The following OTUD7A variants were observed in gnomAD, a reference collection of about 807,000 sequenced individuals.
OTUD7A encodes the protein OTU domain-containing protein 7A.
In OTUD7A, 12 loss-of-function variants were observed where a neutral mutation model predicts 65.7. The ratio of observed to expected loss-of-function variants is 0.18; its 90% CI spans 0.12 to 0.30. OTUD7A has a LOEUF of 0.30. Ranked by LOEUF, OTUD7A falls within the 10% of genes least tolerant of loss-of-function variation. The pLI, the probability that OTUD7A is intolerant of heterozygous loss-of-function variation, is 1.00. For missense variants in OTUD7A, 1,148 were observed against 1,304.8 expected, an observed-to-expected ratio of 0.88 and a Z score of 1.85; for synonymous variants, 641 against 586.3, an observed-to-expected ratio of 1.09 and a Z score of -1.35.
At chr15:31,732,139 C>T (rs1480140565) in intron 1 of OTUD7A, among the ~76,000 whole-genome samples, 1 of 152,192 alleles carries the variant, frequency 6.6e-6, no homozygotes, top group Non-Finnish European at 1.5e-5. Context: ...CTCTCCTACA[C>T]TTCATGGCCT....
intron 3 of OTUD7A, among the ~76,000 whole-genome samples, chr15:31,616,733 G>A (rs1190756425): frequency 2.0e-5 from 3 of 152,040 alleles, no homozygotes; most frequent in Non-Finnish European, 2.9e-5. Context: ...CAGTAGAGAC[G>A]GGGTTTCACC....
At position 31,633,902 on chromosome 15, in the gene OTUD7A, C is replaced by T. The variant is rs149355760; in HGVS notation, c.151+21194G>A. On this transcript the variant is annotated intron_variant, in intron 3 of 12. Coordinates refer to ENST00000307050, the MANE Select transcript of OTUD7A (RefSeq NM_001382637.1). ...TGCTGCCCTCTTCTCTCCGGACCTG[C>T]GAGGAACTCACTGCTTCTGGTATTT... Among the ~76,000 whole-genome samples the T allele has an allele frequency of 4.6e-5, 7 of 152,300 alleles. No homozygotes were observed. In the East Asian group the frequency reaches 7.7e-4, roughly 17 times the overall value.
At chr15:31,792,672 C>T (rs908252754) in intron 1 of OTUD7A, among the ~76,000 whole-genome samples, 6 of 152,204 alleles carry the variant, frequency 3.9e-5, no homozygotes, top group African/African-American at 1.4e-4. Flanking sequence ...GTTTCATTCT[C>T]TGCACAATAG....
At chr15:31,754,612 G>A (rs959761739) in intron 1 of OTUD7A, among the ~76,000 whole-genome samples, 9 of 152,208 alleles carry the variant, frequency 5.9e-5, no homozygotes, top group African/African-American at 2.2e-4. Flanking sequence ...TGTTGAAAAG[G>A]GTGTACTTTC....
chr15:31,484,177 C>T lies in OTUD7A; in HGVS notation c.1919G>A (p.Arg640His). ...NILRAAMQGERKFIFAGLLLT... is the reference protein window; with the variant it reads ...NILRAAMQGEHKFIFAGLLLT... ...CAGCAGGCCGGCGAAGATGAACTTG[C>T]GCTCCCCCTGCATGGCGGCGCGCAG... The change falls in exon 13 of 13, where the codon CGC becomes CAC. Residue 640 changes from arginine (R) to histidine (H), a missense_variant. By Grantham distance (29) the Arg-to-His change is conservative. Coordinates refer to ENST00000307050, the MANE Select transcript of OTUD7A (RefSeq NM_001382637.1). This position sits in a 1 kb window ranked among gnomAD's most constrained non-coding sequence, Gnocchi z 4.5. 6.2e-7 allele frequency: 1 copy of T among 1,610,078 alleles called. No individual in the cohort carries two copies. The highest frequency in any genetic ancestry group is 8.5e-7 in the Non-Finnish European group (1 of 1,179,358).
At chr15:31,832,444 A>T (rs899760657) in intron 1 of OTUD7A, among the ~76,000 whole-genome samples, 116 of 152,344 alleles carry the variant, frequency 7.6e-4, no homozygotes, top group African/African-American at 2.7e-3. Context: ...TTTAAAAAAA[A>T]ATAGTGGTAT....
rs145454751 is a variant in OTUD7A, at chr15:31,544,777, C to T, written c.551-13969G>A. On this transcript the variant is annotated intron_variant, in intron 5 of 12. Coordinates refer to ENST00000307050, the MANE Select transcript of OTUD7A (RefSeq NM_001382637.1). The stretch of plus-strand genomic sequence containing the variant: ...TAGTGAAGAATAGAAAAGATCTGAG[C>T]GACAAAATTAACAAACTTGATATAA... Among the ~76,000 whole-genome samples the T allele has an allele frequency of 1.6e-3, 236 of 151,640 alleles. 1 individual carries two copies. The highest frequency in any genetic ancestry group is 5.0e-3 in the South Asian group (24 of 4,794).
intron 1 of OTUD7A, among the ~76,000 whole-genome samples, chr15:31,797,014 G>A (rs952606571): frequency 3.3e-5 from 5 of 152,184 alleles, no homozygotes; most frequent in Admixed American, 6.5e-5. Context: ...GATTACAGGC[G>A]TGAGCCACGG....
At chr15:31,869,478 A>T (rs548364254) in intron 1 of OTUD7A, among the ~76,000 whole-genome samples, 1 of 152,302 alleles carries the variant, frequency 6.6e-6, no homozygotes, top group Non-Finnish European at 1.5e-5. Context: ...TCATATTTTT[A>T]AAAATTGTTC....
At chr15:31,712,159 C>G (rs1013313824) in intron 1 of OTUD7A, among the ~76,000 whole-genome samples, 2 of 151,740 alleles carry the variant, frequency 1.3e-5, no homozygotes, top group Non-Finnish European at 2.9e-5. Context: ...AATCAAAATG[C>G]AACTTATTTA....
intron 1 of OTUD7A, among the ~76,000 whole-genome samples, chr15:31,788,050 T>C (rs1428407286): frequency 6.6e-6 from 1 of 152,230 alleles, no homozygotes; most frequent in Non-Finnish European, 1.5e-5. Context: ...AGACCCCACA[T>C]GGCACTCAAT....
At chr15:31,812,117 T>C (rs1389057468) in intron 1 of OTUD7A, among the ~76,000 whole-genome samples, 1 of 152,184 alleles carries the variant, frequency 6.6e-6, no homozygotes, top group Admixed American at 6.5e-5. Context: ...AAGTGGGCTC[T>C]GCAAGTGGAC....
intron 1 of OTUD7A, among the ~76,000 whole-genome samples, chr15:31,742,780 T>C (rs1894377913): frequency 6.6e-6 from 1 of 152,066 alleles, no homozygotes; most frequent in Admixed American, 6.5e-5. Flanking sequence ...GGGTTAAAAA[T>C]ATATATGACA....
chr15:31,575,815 A>G (rs1050633969), intron 3 of OTUD7A, among the ~76,000 whole-genome samples: 31 of 152,230 alleles, frequency 2.0e-4, no homozygotes, highest in African/African-American at 6.3e-4. Flanking sequence ...ATGTGCCCAC[A>G]AGCGGGAGGC....
At chr15:31,583,370 C>A (rs1007744359) in intron 3 of OTUD7A, among the ~76,000 whole-genome samples, 1 of 152,118 alleles carries the variant, frequency 6.6e-6, no homozygotes, top group Non-Finnish European at 1.5e-5. Context: ...CTGTGAAGCA[C>A]CTGCTTTGTA....
At chr15:31,790,710 G>T (rs981212071) in intron 1 of OTUD7A, among the ~76,000 whole-genome samples, 2 of 152,150 alleles carry the variant, frequency 1.3e-5, no homozygotes, top group African/African-American at 4.8e-5. Context: ...CTCAGAAAAT[G>T]CAGCCATCTC....
chr15:31,704,466 C>A (rs1187392108), intron 1 of OTUD7A, among the ~76,000 whole-genome samples: 1 of 143,424 alleles, frequency 7.0e-6, no homozygotes, highest in African/African-American at 2.5e-5. Flanking sequence ...CCTGTGCCGA[C>A]CTATTTCTCA....
intron 3 of OTUD7A, among the ~76,000 whole-genome samples, chr15:31,593,043 T>C (rs968235411): frequency 2.0e-5 from 3 of 149,694 alleles, no homozygotes; most frequent in African/African-American, 7.4e-5. Context: ...ACCCATTACA[T>C]AGTCATTTGT....
intron 1 of OTUD7A, among the ~76,000 whole-genome samples, chr15:31,810,519 CACA>C (rs1239827372): frequency 6.6e-6 from 1 of 152,102 alleles, no homozygotes; most frequent in Non-Finnish European, 1.5e-5. Flanking sequence ...CATGTGTGGG[CACA>C]ACAAGAAGGC....
Sources: gnomAD v4.1 joint callset for allele counts (sites outside exome capture counted in the v4.1 genomes callset) on GRCh38, gnomAD v4.1.1 for gene constraint, Gnocchi (gnomAD v3.1) non-coding constraint, MANE v1.5 for transcripts, NCBI Gene and HGNC (gene_info 2026-07-23, HGNC 2026-07-21) for gene names.